The following ASTN2 variants were observed in gnomAD, a reference collection of about 807,000 sequenced individuals.
The protein encoded by ASTN2 is astrotactin 2.
In ASTN2, 54 loss-of-function variants were observed where a neutral mutation model predicts 139.8. The ratio of observed to expected loss-of-function variants is 0.39; its 90% CI spans 0.31 to 0.48. The LOEUF (loss-of-function observed/expected upper bound fraction) is 0.48, where lower values mean the gene tolerates loss of function less well. ASTN2 is among the 20% of genes least tolerant of loss of function. The pLI is 0.95. For missense variants in ASTN2, 1,565 were observed against 1,725.1 expected (o/e 0.91, Z 1.64); for synonymous variants, 756 against 719.5 (o/e 1.05, Z -0.81).
At chr9:116,554,221 G>T (rs991991131) in intron 19 of ASTN2, among the ~76,000 whole-genome samples, 6 of 151,914 alleles carry the variant, frequency 3.9e-5, no homozygotes, top group Admixed American at 2.0e-4. Context: ...ACACAGTGTT[G>T]CTGTGAAAAA....
chr9:116,903,166 A>G (rs1246450262), intron 10 of ASTN2, among the ~76,000 whole-genome samples: 2 of 152,012 alleles, frequency 1.3e-5, no homozygotes, highest in African/African-American at 4.8e-5. Context: ...TGATTCTTCT[A>G]CTTAAAATTG....
chr9:116,454,780 A>G (rs1316436962), intron 20 of ASTN2, among the ~76,000 whole-genome samples: 1 of 152,192 alleles, frequency 6.6e-6, no homozygotes, highest in Non-Finnish European at 1.5e-5. Context: ...TGAGCAAACT[A>G]TCGCAAGGAC....
chr9:116,580,435 G>A (rs1853903093), intron 19 of ASTN2, among the ~76,000 whole-genome samples: 1 of 152,142 alleles, frequency 6.6e-6, no homozygotes. Flanking sequence ...TTGATCAGGG[G>A]TTATTAGAAT....
At chr9:117,202,157 G>A (rs944144978) in intron 3 of ASTN2, among the ~76,000 whole-genome samples, 7 of 152,094 alleles carry the variant, frequency 4.6e-5, no homozygotes, top group Admixed American at 2.6e-4. Context: ...GAGTAGGATT[G>A]CAATCCCTGC....
intron 19 of ASTN2, among the ~76,000 whole-genome samples, chr9:116,606,066 C>A (rs1367193148): frequency 6.6e-6 from 1 of 152,094 alleles, no homozygotes; most frequent in Non-Finnish European, 1.5e-5. Flanking sequence ...ATCTACCCTG[C>A]CCAAGAGGCT....
At chr9:116,694,012 G>A (rs921600948) in intron 16 of ASTN2, among the ~76,000 whole-genome samples, 2 of 152,140 alleles carry the variant, frequency 1.3e-5, no homozygotes, top group African/African-American at 2.4e-5. Flanking sequence ...GACTATTTCC[G>A]TGCCTCATGC....
At chr9:117,121,820 T>C (rs969220307) in intron 4 of ASTN2, among the ~76,000 whole-genome samples, 5 of 152,190 alleles carry the variant, frequency 3.3e-5, no homozygotes, top group African/African-American at 1.2e-4. Context: ...AGCCAGTTCA[T>C]CTTCACATGG....
At chr9:116,562,733 TAA>T (rs35878476) in intron 19 of ASTN2, among the ~76,000 whole-genome samples, 2,836 of 64,530 alleles carry the variant, frequency 0.044, 48 homozygotes, top group Middle Eastern at 0.078. Flanking sequence ...ACTGCCTCAT[TAA>T]AAAAAAAAAA....
At chr9:116,972,213 T>TC (rs1282071197) in intron 10 of ASTN2, among the ~76,000 whole-genome samples, 1 of 145,766 alleles carries the variant, frequency 6.9e-6, no homozygotes, top group Non-Finnish European at 1.5e-5. Flanking sequence ...AAACTAGTTT[T>TC]TTTTGTTTTT....
intron 17 of ASTN2, among the ~76,000 whole-genome samples, chr9:116,636,232 G>A (rs141766812): frequency 1.5e-4 from 23 of 152,242 alleles, no homozygotes; most frequent in African/African-American, 5.5e-4. Flanking sequence ...TATGTATATG[G>A]CACTAAATAT....
At chr9:116,842,789 C>T (rs1393198861) in intron 11 of ASTN2, among the ~76,000 whole-genome samples, 1 of 151,926 alleles carries the variant, frequency 6.6e-6, no homozygotes, top group African/African-American at 2.4e-5. Flanking sequence ...ATCAATAGTC[C>T]TTGGTAATGA....
At chr9:116,623,062 C>T (rs181253657) in intron 17 of ASTN2, among the ~76,000 whole-genome samples, 6 of 151,962 alleles carry the variant, frequency 3.9e-5, no homozygotes, top group Admixed American at 2.6e-4. Flanking sequence ...ATTAACATAA[C>T]GGTGAAACCC....
rs894209050 is a variant in ASTN2, at chr9:117,043,242, T to C, written c.1277-3277A>G. Among the ~76,000 whole-genome samples, 9 of 152,136 alleles carry C rather than the reference T, an allele frequency of 5.9e-5. No homozygotes were observed. In the South Asian group the frequency reaches 1.9e-3, roughly 32 times the overall value. On this transcript the variant is annotated intron_variant, in intron 5 of 22. Transcript: ENST00000313400. ...AAAATATGTAATGATAAGTCTAGCA[T>C]GAATAAATGCTTGGGAAGATGAGAC...
intron 1 of ASTN2, among the ~76,000 whole-genome samples, chr9:117,366,557 C>G (rs746436846): frequency 6.6e-6 from 1 of 152,108 alleles, no homozygotes; most frequent in Non-Finnish European, 1.5e-5. Context: ...TCCCCCCTCT[C>G]TCTAACTCCT....
At chr9:116,624,433 CACAA>C (rs1014981469) in intron 17 of ASTN2, among the ~76,000 whole-genome samples, 6 of 152,170 alleles carry the variant, frequency 3.9e-5, no homozygotes, top group African/African-American at 1.4e-4. Context: ...AAGAGACACA[CACAA>C]ACAATTACAA....
chr9:117,026,508 CT>C (rs769953426), intron 6 of ASTN2, among the ~76,000 whole-genome samples: 38 of 152,132 alleles, frequency 2.5e-4, no homozygotes, highest in Non-Finnish European at 5.1e-4. Flanking sequence ...GCCACATCAT[CT>C]TTGACTCTTC....
intron 1 of ASTN2, among the ~76,000 whole-genome samples, chr9:117,338,411 T>C (rs990997334): frequency 2.0e-5 from 3 of 152,098 alleles, no homozygotes; most frequent in African/African-American, 7.2e-5. Flanking sequence ...ACAGATCCTA[T>C]CCATTTATCA....
chr9:116,453,137 G>A (rs1848222344), intron 20 of ASTN2, among the ~76,000 whole-genome samples: 1 of 152,138 alleles, frequency 6.6e-6, no homozygotes, highest in Admixed American at 6.5e-5. Flanking sequence ...TTCCATGGGT[G>A]GAGGGGTGGG....
chr9:117,135,364 G>A (rs963590849), intron 4 of ASTN2, among the ~76,000 whole-genome samples: 10 of 152,156 alleles, frequency 6.6e-5, no homozygotes, highest in Non-Finnish European at 1.5e-4. Flanking sequence ...AATGTGTGAT[G>A]GGCAAGGTGC....
Sources: allele counts gnomAD v4.1 joint callset (sites outside exome capture counted in the v4.1 genomes callset), GRCh38; gene constraint gnomAD v4.1.1; transcripts MANE v1.5; gene names NCBI Gene and HGNC (gene_info 2026-07-23, HGNC 2026-07-21).